The following SLC75A1 variants were observed in gnomAD, a reference collection of about 807,000 sequenced individuals.
The protein encoded by SLC75A1 is solute carrier family 75 member 1, also known as major facilitator superfamily domain containing 10.
chr4:2,934,716 C>T, the SLC75A1 span: 6 of 102,674 alleles, frequency 5.8e-5, no homozygotes, highest in Non-Finnish European at 1.2e-4. Flanking sequence ...CCACCCCCAA[C>T]CCGAGCGCCC....
chr4:2,931,094 C>T, the SLC75A1 span: 4 of 1,595,604 alleles, frequency 2.5e-6, no homozygotes, highest in African/African-American at 2.7e-5. Flanking sequence ...GCGGCCCTGG[C>T]CAGAGCACCT....
the SLC75A1 span, chr4:2,933,546 A>G: frequency 6.2e-7 from 1 of 1,612,966 alleles, no homozygotes. Flanking sequence ...GAGCCCGCCA[A>G]GGGCACAGAG....
chr4:2,933,531 G>A, the SLC75A1 span: 9 of 1,606,532 alleles, frequency 5.6e-6, no homozygotes, highest in African/African-American at 1.3e-5. Flanking sequence ...ACATAGGACC[G>A]TAGAGAGCCC....
the SLC75A1 span, chr4:2,930,843 C>T: frequency 1.9e-6 from 3 of 1,612,982 alleles, no homozygotes; most frequent in African/African-American, 1.3e-5. Flanking sequence ...CTCAGCTACT[C>T]AGCCTTGAGC....
At chr4:2,931,139 G>A in the SLC75A1 span, 3 of 1,565,968 alleles carry the variant, frequency 1.9e-6, no homozygotes, top group East Asian at 4.8e-5. Context: ...GTGCCCTTCT[G>A]CCCTGGTGAG....
chr4:2,933,412 G>A, the SLC75A1 span, among the ~76,000 whole-genome samples: 1 of 152,220 alleles, frequency 6.6e-6, no homozygotes, highest in African/African-American at 2.4e-5. Context: ...AAGGGATCAT[G>A]CCCAGAAGCC....
the SLC75A1 span, chr4:2,932,269 G>A: frequency 5.8e-6 from 9 of 1,554,228 alleles, 1 homozygote; most frequent in South Asian, 7.0e-5. Context: ...GGCATCTGGG[G>A]CTGGCACACA....
the SLC75A1 span, chr4:2,932,086 A>C: frequency 6.2e-7 from 1 of 1,611,236 alleles, no homozygotes. Context: ...GACAGCCGAG[A>C]AGCGCAGCAG....
the SLC75A1 span, chr4:2,933,995 G>T: frequency 4.8e-6 from 7 of 1,469,780 alleles, no homozygotes; most frequent in Non-Finnish European, 5.5e-6. Context: ...GTCCTCCGGG[G>T]CCTGGCATAC....
At chr4:2,931,973 A>G in the SLC75A1 span, 12 of 1,602,590 alleles carry the variant, frequency 7.5e-6, no homozygotes, top group Non-Finnish European at 9.4e-6. Flanking sequence ...AGGCGACCAC[A>G]GCAGGGAAGG....
At chr4:2,934,400 C>A in the SLC75A1 span, 1 of 168,238 alleles carries the variant, frequency 5.9e-6, no homozygotes, top group Non-Finnish European at 1.3e-5. Flanking sequence ...GGGTGCACAC[C>A]GGACGCAGGA....
At chr4:2,931,652 C>T in the SLC75A1 span, 4 of 1,613,264 alleles carry the variant, frequency 2.5e-6, no homozygotes, top group African/African-American at 4.0e-5. Flanking sequence ...AAACATCTTC[C>T]CCTGCTGTAG....
chr4:2,932,662 C>A, the SLC75A1 span: 11 of 1,611,802 alleles, frequency 6.8e-6, no homozygotes, highest in Non-Finnish European at 1.7e-6. Context: ...GAGAGGCTGA[C>A]GTTCCCTTTG....
chr4:2,933,947 G>T, the SLC75A1 span: 1 of 1,547,048 alleles, frequency 6.5e-7, no homozygotes, highest in Non-Finnish European at 8.7e-7. Flanking sequence ...GACCTGGCCT[G>T]GGTGGGGTGC....
chr4:2,934,131 G>A, the SLC75A1 span: 3,170 of 614,324 alleles, frequency 5.2e-3, 15 homozygotes, highest in Non-Finnish European at 7.6e-3. Context: ...GGAAACGCAG[G>A]CTTCGGGGAT....
chr4:2,932,108 T>C, the SLC75A1 span: 2 of 1,610,066 alleles, frequency 1.2e-6, no homozygotes, highest in Non-Finnish European at 8.5e-7. Context: ...GCCAGGGGGC[T>C]GAGCAGATCA....
chr4:2,931,789 AG>A, the SLC75A1 span: 2 of 1,559,444 alleles, frequency 1.3e-6, no homozygotes, highest in Admixed American at 1.9e-5. Context: ...GCGTTATTTC[AG>A]GGAGACAGCA....
chr4:2,931,295 G>C, the SLC75A1 span: 72 of 1,550,310 alleles, frequency 4.6e-5, no homozygotes, highest in South Asian at 8.1e-4. Flanking sequence ...ACATCGAGGA[G>C]GTGCCCGTCA....
At chr4:2,932,580 G>GAAA in the SLC75A1 span, 1 of 1,612,850 alleles carries the variant, frequency 6.2e-7, no homozygotes, top group Non-Finnish European at 8.5e-7. Context: ...GGACCCCAAA[G>GAAA]GCCCAGCCTG....
Sources: gnomAD v4.1 joint callset for allele counts (sites outside exome capture counted in the v4.1 genomes callset) on GRCh38, gnomAD v4.1.1 for gene constraint, MANE v1.5 for transcripts, NCBI Gene and HGNC (gene_info 2026-07-23, HGNC 2026-07-21) for gene names.